Variants in NEK11 observed in about 807,000 individuals in gnomAD.
NEK11 encodes serine/threonine-protein kinase Nek11.
In NEK11, 72 loss-of-function variants were observed where a neutral mutation model predicts 80.7. The observed-to-expected ratio is 0.89, with a 90% CI of 0.74 to 1.08. The LOEUF is 1.08. Among genes scored for constraint, NEK11 ranks in the 50% least tolerant of loss-of-function variants. The probability of loss-of-function intolerance (pLI) is 0.00; values close to 1 mark genes in which losing one functional copy is unlikely to be tolerated. For missense variants in NEK11, 764 were observed against 763.6 expected (o/e 1.00, Z -0.01); for synonymous variants, 251 against 260.7 (o/e 0.96, Z 0.36).
chr3:131,145,928 A>G (rs1256720591), intron 7 of NEK11, among the ~76,000 whole-genome samples: 2 of 152,174 alleles, frequency 1.3e-5, no homozygotes, highest in African/African-American at 4.8e-5. Flanking sequence ...AGTAAACACT[A>G]TTAACATTCC....
chr3:131,039,553 C>G (rs1445375259), intron 3 of NEK11, among the ~76,000 whole-genome samples: 1 of 152,174 alleles, frequency 6.6e-6, no homozygotes. Flanking sequence ...TTTACTCAGT[C>G]CTTTCCTTCT....
intron 17 of NEK11, among the ~76,000 whole-genome samples, chr3:131,277,964 G>A (rs2096326515): frequency 6.6e-6 from 1 of 152,336 alleles, no homozygotes; most frequent in African/African-American, 2.4e-5. Context: ...CAATATATGT[G>A]TGGTTGCTTC....
chr3:131,225,237 A>G (rs1043361511), intron 14 of NEK11, among the ~76,000 whole-genome samples: 1 of 152,246 alleles, frequency 6.6e-6, no homozygotes, highest in African/African-American at 2.4e-5. Flanking sequence ...CTGTATTACA[A>G]TTGTCTACAG....
At chr3:131,184,105 A>G (rs1214802505) in intron 14 of NEK11, among the ~76,000 whole-genome samples, 1 of 152,194 alleles carries the variant, frequency 6.6e-6, no homozygotes, top group African/African-American at 2.4e-5. Flanking sequence ...CTCAGCTCAA[A>G]ATTCCATCCA....
chr3:131,201,213 A>T (rs2094213785), intron 14 of NEK11, among the ~76,000 whole-genome samples: 2 of 141,792 alleles, frequency 1.4e-5, no homozygotes, highest in South Asian at 4.3e-4. Flanking sequence ...ATATACTTTC[A>T]TATATATATA....
chr3:131,218,463 G>A lies in NEK11; in HGVS notation c.1400-10065G>A, dbSNP rs148913383. 1.1e-3 allele frequency among the ~76,000 whole-genome samples: 172 copies of A among 152,300 alleles called. No homozygotes were observed. The East Asian group carries it at 0.024, about 21-fold the overall frequency. On this transcript the variant is annotated intron_variant, in intron 14 of 17. Coordinates refer to ENST00000383366, the MANE Select transcript of NEK11 (RefSeq NM_024800.5). ...GGACTGCCCCTGGGGCAGAGATGTG[G>A]CATCATCTTTTCAGTAAGGAGGGCT...
intron 17 of NEK11, among the ~76,000 whole-genome samples, chr3:131,343,833 G>T (rs2110451713): frequency 6.6e-6 from 1 of 152,340 alleles, no homozygotes; most frequent in East Asian, 1.9e-4. Flanking sequence ...CCTGAGCCTG[G>T]CTCCTGAACC....
chr3:131,344,834 T>C (rs2097337697), intron 17 of NEK11, among the ~76,000 whole-genome samples: 1 of 151,948 alleles, frequency 6.6e-6, no homozygotes, highest in South Asian at 2.1e-4. Context: ...TCATTCCCTA[T>C]CACAAGGACA....
At chr3:131,121,133 C>G (rs567715462) in intron 5 of NEK11, among the ~76,000 whole-genome samples, 1 of 152,304 alleles carries the variant, frequency 6.6e-6, no homozygotes, top group South Asian at 2.1e-4. Context: ...TCCCTTTGGT[C>G]TTTGATGATG....
chr3:131,289,559 C>A (rs548008044), intron 17 of NEK11, among the ~76,000 whole-genome samples: 1 of 152,330 alleles, frequency 6.6e-6, no homozygotes, highest in African/African-American at 2.4e-5. Context: ...AGGACCTCCA[C>A]CTGTAGAACA....
At position 131,350,310 on chromosome 3, in the gene NEK11, T is replaced by C. The variant is rs1362095833; in HGVS notation, c.*534T>C. Reference sequence around the variant, plus strand: ...GACTAATAAGGAAGATATGTGTGTATTTCATACACACACAAGGACCTGGAT... The same window carrying C: ...GACTAATAAGGAAGATATGTGTGTACTTCATACACACACAAGGACCTGGAT... On this transcript the variant is annotated 3_prime_UTR_variant, in exon 18 of 18. Transcript: ENST00000383366. 2.6e-5 allele frequency: 4 copies of C among 152,810 alleles called. No homozygotes were observed. Among genetic ancestry groups the C allele is most frequent in the Non-Finnish European group, 4.4e-5 (3 of 68,570 alleles). 9.5% of individuals were successfully genotyped at this position (152,810 alleles called of 1,614,324 possible). A position where few individuals can be genotyped will look rare whatever the true frequency, so the allele number is the denominator to read the frequency against.
intron 16 of NEK11, among the ~76,000 whole-genome samples, chr3:131,257,859 A>G (rs2095844308): frequency 6.6e-6 from 1 of 152,222 alleles, no homozygotes; most frequent in South Asian, 2.1e-4. Flanking sequence ...TATATGAAAA[A>G]AGATACTTAC....
At chr3:131,205,639 G>A (rs984089967) in intron 14 of NEK11, among the ~76,000 whole-genome samples, 9 of 152,078 alleles carry the variant, frequency 5.9e-5, no homozygotes, top group African/African-American at 2.2e-4. Flanking sequence ...CCCTCAAGAG[G>A]CAGACTTTTC....
intron 14 of NEK11, among the ~76,000 whole-genome samples, chr3:131,211,584 C>T (rs1048420573): frequency 6.6e-6 from 1 of 152,220 alleles, no homozygotes; most frequent in East Asian, 1.9e-4. Flanking sequence ...GTTCCATTCT[C>T]CCCGTCACTT....
At chr3:131,117,589 GA>G (rs1230062336) in intron 5 of NEK11, among the ~76,000 whole-genome samples, 13 of 152,208 alleles carry the variant, frequency 8.5e-5, no homozygotes, top group Admixed American at 7.2e-4. Context: ...TCACGATATT[GA>G]TTCTTCCTAC....
intron 7 of NEK11, among the ~76,000 whole-genome samples, chr3:131,136,074 C>T (rs2085509866): frequency 6.6e-6 from 1 of 151,820 alleles, no homozygotes; most frequent in African/African-American, 2.4e-5. Flanking sequence ...AAAAAACAGC[C>T]AAAACCTCCA....
intron 4 of NEK11, chr3:131,088,211 G>A (rs943713813): frequency 2.0e-5 from 3 of 152,160 alleles, no homozygotes; most frequent in Admixed American, 1.3e-4. Flanking sequence ...AGTTGGGGAA[G>A]GCTGTAAATA....
At chr3:131,349,440 CT>C (rs138265939) in intron 17 of NEK11, 116 bp from the exon 18 acceptor site, 14 of 854,386 alleles carry the variant, frequency 1.6e-5, no homozygotes, top group Non-Finnish European at 1.8e-5. Context: ...TTTCTTCCCC[CT>C]TTTTTTCTAA....
intron 17 of NEK11, among the ~76,000 whole-genome samples, chr3:131,338,281 T>G (rs1172549074): frequency 2.0e-5 from 3 of 149,370 alleles, no homozygotes; most frequent in Admixed American, 2.0e-4. Context: ...TTTTTTTTTT[T>G]TTTTTTTTTT....
Sources: gnomAD v4.1 joint callset for allele counts (sites outside exome capture counted in the v4.1 genomes callset) on GRCh38, gnomAD v4.1.1 for gene constraint, MANE v1.5 for transcripts, NCBI Gene and HGNC (gene_info 2026-07-23, HGNC 2026-07-21) for gene names.